Variants in CIT observed in about 807,000 individuals in gnomAD.
CIT encodes citron rho-interacting serine/threonine kinase.
Under a neutral mutation model 272.7 loss-of-function variants are expected in CIT, and 79 were observed. The ratio of observed to expected loss-of-function variants is 0.29; its 90% CI spans 0.24 to 0.35. CIT has a LOEUF of 0.35. Ranked by LOEUF, CIT falls within the 10% of genes least tolerant of loss-of-function variation. CIT has a pLI of 1.00. For missense variants in CIT, 1,909 were observed against 2,618.3 expected (o/e 0.73, Z 5.91); for synonymous variants, 948 against 995.6 (o/e 0.95, Z 0.90).
At chr12:119,743,503 T>A (rs1342139182) in intron 23 of CIT, among the ~76,000 whole-genome samples, 3 of 152,158 alleles carry the variant, frequency 2.0e-5, no homozygotes, top group Non-Finnish European at 4.4e-5. Flanking sequence ...ATAGCAAGCA[T>A]GACAAGTGGG....
intron 10 of CIT, among the ~76,000 whole-genome samples, chr12:119,791,250 T>G (rs1259441401): frequency 6.6e-6 from 1 of 152,096 alleles, no homozygotes; most frequent in Non-Finnish European, 1.5e-5. Flanking sequence ...AGGGGCAAGG[T>G]CATGGAGGAA....
intron 9 of CIT, among the ~76,000 whole-genome samples, chr12:119,819,291 C>A (rs1269314259): frequency 6.6e-6 from 1 of 152,122 alleles, no homozygotes; most frequent in Non-Finnish European, 1.5e-5. Context: ...GAATAAGTAT[C>A]CTGGAACTGG....
At chr12:119,788,132 T>C (rs1367066815) in intron 10 of CIT, among the ~76,000 whole-genome samples, 2 of 152,216 alleles carry the variant, frequency 1.3e-5, no homozygotes, top group Non-Finnish European at 2.9e-5. Flanking sequence ...GCAACAGGGA[T>C]TGGATCCAGA....
At chr12:119,800,025 C>A (rs1966057404) in intron 10 of CIT, among the ~76,000 whole-genome samples, 1 of 151,968 alleles carries the variant, frequency 6.6e-6, no homozygotes, top group South Asian at 2.1e-4. Context: ...GTGCCTCAAT[C>A]TAGAAGGAAA....
At chr12:119,708,590 A>G (rs1186051405) in intron 39 of CIT, among the ~76,000 whole-genome samples, 2 of 152,134 alleles carry the variant, frequency 1.3e-5, no homozygotes, top group South Asian at 2.1e-4. Flanking sequence ...GGTTCAAGCA[A>G]TTCTCCTGCC....
Position 119,718,376 on chromosome 12 carries a change from G to T in CIT, c.4037C>A (p.Pro1346Gln). 6.2e-7 allele frequency: 1 copy of T among 1,613,800 alleles called. No individual in the cohort carries two copies. Among genetic ancestry groups the T allele is most frequent in the Non-Finnish European group, 8.5e-7 (1 of 1,179,910 alleles). ...AHRKATDHPH[P>Q]STPATARQQI... is the part of the protein sequence containing the mutation. ...CTGCCTCGCGGTGGCTGGCGTGGAT[G>T]GGTGTGGGTGGTCCGTTGCTTTGCG... Residue 1346 changes from proline to glutamine, a missense_variant, in exon 32 of 48, where the codon CCA becomes CAA. Physicochemically the swap from Pro to Gln is moderately conservative, Grantham distance 76 (BLOSUM62 -1). Transcript: ENST00000392521. The surrounding 1 kb of genome is among the most constrained non-coding windows in gnomAD (Gnocchi z 4.8).
intron 19 of CIT, among the ~76,000 whole-genome samples, chr12:119,763,754 A>G (rs1393641248): frequency 1.3e-5 from 2 of 152,212 alleles, no homozygotes; most frequent in Admixed American, 1.3e-4. Context: ...TATTCAAGAT[A>G]TAATAAACAG....
chr12:119,853,321 C>A (rs1265182792), intron 4 of CIT, among the ~76,000 whole-genome samples: 32 of 132,880 alleles, frequency 2.4e-4, no homozygotes, highest in African/African-American at 8.5e-4. Flanking sequence ...AAGACTCTGT[C>A]TCCAAAAAAA....
chr12:119,828,238 T>C (rs1968326433), intron 7 of CIT, among the ~76,000 whole-genome samples: 1 of 152,258 alleles, frequency 6.6e-6, no homozygotes, highest in Non-Finnish European at 1.5e-5. Context: ...ACCCACTGGC[T>C]TCCTCTTAAG....
chr12:119,828,241 C>G (rs1968326681), intron 7 of CIT, among the ~76,000 whole-genome samples: 1 of 152,194 alleles, frequency 6.6e-6, no homozygotes, highest in Non-Finnish European at 1.5e-5. Context: ...CACTGGCTTC[C>G]TCTTAAGTGC....
intron 24 of CIT, among the ~76,000 whole-genome samples, chr12:119,738,298 C>T (rs892328112): frequency 7.2e-5 from 11 of 152,156 alleles, no homozygotes; most frequent in African/African-American, 2.7e-4. Flanking sequence ...TTCAGGACAA[C>T]CCCTCTTGAT....
chr12:119,760,879 T>A, intron 20 of CIT, 60 bp downstream of exon 20: 1 of 1,063,264 alleles, frequency 9.4e-7, no homozygotes, highest in South Asian at 1.3e-5. Context: ...TCAGGGGTGA[T>A]TCTTGGCATA....
At chr12:119,843,739 G>A (rs1196056375) in intron 5 of CIT, among the ~76,000 whole-genome samples, 1 of 152,012 alleles carries the variant, frequency 6.6e-6, no homozygotes, top group Non-Finnish European at 1.5e-5. Context: ...GAACCCGGGA[G>A]GCAGAGGTTG....
chr12:119,746,210 G>A (rs752757760), intron 23 of CIT, among the ~76,000 whole-genome samples: 42 of 152,174 alleles, frequency 2.8e-4, no homozygotes, highest in Non-Finnish European at 5.3e-4. Flanking sequence ...GTCAGGAATC[G>A]GCAAATTTTT....
intron 5 of CIT, among the ~76,000 whole-genome samples, chr12:119,839,035 A>G (rs749117979): frequency 8.2e-4 from 125 of 152,152 alleles, no homozygotes; most frequent in Admixed American, 3.0e-3. Flanking sequence ...CTTTTAAAGC[A>G]AAGACTTTCA....
intron 22 of CIT, among the ~76,000 whole-genome samples, chr12:119,756,438 T>A (rs1960991878): frequency 6.6e-6 from 1 of 152,190 alleles, no homozygotes; most frequent in Non-Finnish European, 1.5e-5. Context: ...ACTCCTTATC[T>A]GAATAAAGGA....
chr12:119,869,241 T>C lies in CIT; in HGVS notation c.97-40A>G, dbSNP rs1160846967. 3 of 1,566,020 alleles carry C rather than the reference T, an allele frequency of 1.9e-6. No homozygotes were observed. The African/African-American group carries it at 4.1e-5, about 22-fold the overall frequency. On this transcript the variant is annotated intron_variant, in intron 2 of 47. Coordinates refer to ENST00000392521, the MANE Select transcript of CIT (RefSeq NM_001206999.2). ...CAGCAGATGGAGACACTGTCAATAA[T>C]GAAAAGCTTTGATCAATAACATCCA...
intron 18 of CIT, among the ~76,000 whole-genome samples, chr12:119,769,876 G>T (rs1030403196): frequency 6.6e-6 from 1 of 152,190 alleles, no homozygotes; most frequent in Admixed American, 6.5e-5. Context: ...TGGCCACTAT[G>T]GAATTCCAAT....
At chr12:119,818,021 A>G (rs1286362491) in intron 9 of CIT, among the ~76,000 whole-genome samples, 1 of 152,224 alleles carries the variant, frequency 6.6e-6, no homozygotes, top group Non-Finnish European at 1.5e-5. Flanking sequence ...CATCACAAAT[A>G]TTATTACTAA....
Sources: gnomAD v4.1 joint callset for allele counts (sites outside exome capture counted in the v4.1 genomes callset) on GRCh38, gnomAD v4.1.1 for gene constraint, Gnocchi (gnomAD v3.1) non-coding constraint, MANE v1.5 for transcripts, NCBI Gene and HGNC (gene_info 2026-07-23, HGNC 2026-07-21) for gene names.